SCN9A: variants seen among roughly 807,000 people sequenced by gnomAD.
The protein encoded by SCN9A is sodium channel protein type 9 subunit alpha.
A neutral mutation model predicts 187.0 loss-of-function variants in SCN9A; 131 were observed. That is an observed-to-expected ratio of 0.70 (90% CI 0.61 to 0.81). SCN9A has a LOEUF of 0.81. Among genes scored for constraint, SCN9A ranks in the 30% least tolerant of loss-of-function variants. The pLI is 0.00. For missense variants in SCN9A, 2,252 were observed against 2,396.6 expected (o/e 0.94, Z 1.26); for synonymous variants, 809 against 808.6 (o/e 1.00, Z -0.01).
At chr2:166,212,799 A>G (rs541386461) in intron 24 of SCN9A, among the ~76,000 whole-genome samples, 14 of 152,340 alleles carry the variant, frequency 9.2e-5, no homozygotes, top group South Asian at 8.3e-4. Flanking sequence ...TATGACCACA[A>G]TGGAAGGAAA....
At position 166,235,044 on chromosome 2, in the gene SCN9A, A is replaced by G. The variant is rs1175389253; in HGVS notation, c.3802-1582T>C. Among the ~76,000 whole-genome samples the G allele has an allele frequency of 2.0e-5, 3 of 152,134 alleles. No individual in the cohort carries two copies. In the East Asian group the frequency reaches 5.8e-4, roughly 29 times the overall value. On this transcript the variant is annotated intron_variant, in intron 20 of 26. Coordinates refer to ENST00000642356, the MANE Select transcript of SCN9A (RefSeq NM_001365536.1). ...GGGACTCTCTGGTGTGCCCACCAGC[A>G]AGAAAGTTCCCACCAGATGTGGACC...
At chr2:166,342,759 T>A (rs1699816650) in intron 1 of SCN9A, among the ~76,000 whole-genome samples, 1 of 152,240 alleles carries the variant, frequency 6.6e-6, no homozygotes, top group Non-Finnish European at 1.5e-5. Flanking sequence ...TTTTTAAATC[T>A]ATCATTACCT....
At chr2:166,326,034 T>C (rs925165388) in intron 1 of SCN9A, among the ~76,000 whole-genome samples, 39 of 152,286 alleles carry the variant, frequency 2.6e-4, no homozygotes, top group Non-Finnish European at 2.1e-4. Context: ...CCTTCCAGTA[T>C]GAACTCTTAT....
rs377118620 is a variant in SCN9A, at chr2:166,253,076, T to A, written c.3352-1191A>T. Among the ~76,000 whole-genome samples, 4 of 151,918 alleles carry A rather than the reference T, an allele frequency of 2.6e-5. No homozygotes were observed. The East Asian group carries it at 7.7e-4, about 29-fold the overall frequency. ...CTCAATCTATGAATTTGTATTAATA[T>A]GATAGCCCAATCTAAAGGTTTGACT... On this transcript the variant is annotated intron_variant, in intron 17 of 26. Coordinates refer to ENST00000642356, the MANE Select transcript of SCN9A (RefSeq NM_001365536.1).
At chr2:166,320,741 A>G (rs1699217358) in intron 1 of SCN9A, among the ~76,000 whole-genome samples, 1 of 152,206 alleles carries the variant, frequency 6.6e-6, no homozygotes, top group African/African-American at 2.4e-5. Context: ...ATGTTTTATT[A>G]TCTGCTGTTT....
intron 1 of SCN9A, among the ~76,000 whole-genome samples, chr2:166,318,581 A>AG (rs1476752080): frequency 6.6e-6 from 1 of 152,122 alleles, no homozygotes; most frequent in Admixed American, 6.5e-5. Flanking sequence ...TATTAAAAAA[A>AG]AAAAATAGGC....
chr2:166,258,085 CAAT>C (rs1696355032), intron 17 of SCN9A, among the ~76,000 whole-genome samples: 1 of 151,376 alleles, frequency 6.6e-6, no homozygotes, highest in South Asian at 2.1e-4. Context: ...AACATCTCAA[CAAT>C]GACAGAGAAA....
intron 24 of SCN9A, among the ~76,000 whole-genome samples, chr2:166,214,762 C>T (rs915334898): frequency 6.6e-6 from 1 of 151,620 alleles, no homozygotes; most frequent in African/African-American, 2.4e-5. Flanking sequence ...GATCCGCCCG[C>T]CTCGGCCTCC....
Position 166,281,692 on chromosome 2 carries a change from T to C in SCN9A, c.2091A>G (p.Thr697=). Residue 697 remains threonine (T), a synonymous_variant, in exon 13 of 27, where the codon ACA becomes ACG. Coordinates refer to ENST00000642356, the MANE Select transcript of SCN9A (RefSeq NM_001365536.1). ...QRAMSRASIL[T]NTVEELEESR... is the part of the protein sequence containing the mutation. ...ATTATTACATACCTTCCACAGTGTT[T>C]GTTAATATGCTTGCTCTACTCATTG... 1 of 1,613,190 alleles carries C rather than the reference T, an allele frequency of 6.2e-7. No individual in the cohort carries two copies. Among genetic ancestry groups the C allele is most frequent in the Non-Finnish European group, 8.5e-7 (1 of 1,179,406 alleles).
chr2:166,323,644 G>A (rs1197399342), intron 1 of SCN9A, among the ~76,000 whole-genome samples: 1 of 151,990 alleles, frequency 6.6e-6, no homozygotes, highest in Non-Finnish European at 1.5e-5. Flanking sequence ...CACATAACAG[G>A]TACTAAATAC....
intron 21 of SCN9A, among the ~76,000 whole-genome samples, chr2:166,230,500 T>C (rs1001064833): frequency 7.9e-5 from 12 of 152,158 alleles, no homozygotes; most frequent in African/African-American, 2.9e-4. Flanking sequence ...ATACATCTAG[T>C]CACTGACCAA....
intron 16 of SCN9A, among the ~76,000 whole-genome samples, chr2:166,275,017 AC>A (rs1574847773): frequency 1.3e-5 from 2 of 152,178 alleles, no homozygotes; most frequent in Non-Finnish European, 2.9e-5. Flanking sequence ...CAAGGATTAG[AC>A]CATGGGTAAT....
At chr2:166,241,973 G>A (rs1422090601) in intron 19 of SCN9A, among the ~76,000 whole-genome samples, 1 of 152,104 alleles carries the variant, frequency 6.6e-6, no homozygotes. Context: ...AAGACTGACT[G>A]TTGAAGCTGC....
At chr2:166,352,567 G>A (rs1246088254) in intron 1 of SCN9A, among the ~76,000 whole-genome samples, 1 of 152,168 alleles carries the variant, frequency 6.6e-6, no homozygotes, top group Non-Finnish European at 1.5e-5. Context: ...ATTAATTAAA[G>A]TACATCTTGC....
chr2:166,296,663 G>A, intron 7 of SCN9A, among the ~76,000 whole-genome samples: 1 of 152,126 alleles, frequency 6.6e-6, no homozygotes, highest in East Asian at 1.9e-4. Flanking sequence ...TTAGCACACT[G>A]CTATACTACT....
At chr2:166,316,154 A>G (rs889021678) in intron 1 of SCN9A, among the ~76,000 whole-genome samples, 2 of 152,204 alleles carry the variant, frequency 1.3e-5, no homozygotes, top group African/African-American at 4.8e-5. Context: ...TTTTCCTTTA[A>G]TGAATAAAGA....
intron 24 of SCN9A, among the ~76,000 whole-genome samples, chr2:166,208,027 T>C (rs191131272): frequency 0.015 from 2,286 of 152,316 alleles, 34 homozygotes; most frequent in South Asian, 0.028. Flanking sequence ...GTCAATATGA[T>C]GAAGAATGGG....
intron 1 of SCN9A, among the ~76,000 whole-genome samples, chr2:166,337,304 C>A (rs1699652936): frequency 6.6e-6 from 1 of 151,944 alleles, no homozygotes; most frequent in South Asian, 2.1e-4. Context: ...GCTTAAAGAA[C>A]AGGGAAGAAA....
intron 24 of SCN9A, among the ~76,000 whole-genome samples, chr2:166,205,920 T>C (rs901771948): frequency 1.3e-5 from 2 of 152,134 alleles, no homozygotes; most frequent in Non-Finnish European, 2.9e-5. Context: ...AAAATGCTCA[T>C]CATCACTGGT....
Sources: allele counts gnomAD v4.1 joint callset (sites outside exome capture counted in the v4.1 genomes callset), GRCh38; gene constraint gnomAD v4.1.1; transcripts MANE v1.5; gene names NCBI Gene and HGNC (gene_info 2026-07-23, HGNC 2026-07-21).